The following TARS3 variants were observed in gnomAD, a reference collection of about 807,000 sequenced individuals.
TARS3 encodes threonine--tRNA ligase 2, cytoplasmic.
TARS3 carries 94 observed loss-of-function variants against 103.5 expected under a neutral mutation model. The observed-to-expected ratio is 0.91, with a 90% CI of 0.77 to 1.08. The LOEUF (loss-of-function observed/expected upper bound fraction) is 1.08, where lower values mean the gene tolerates loss of function less well. Among genes scored for constraint, TARS3 ranks in the 50% least tolerant of loss-of-function variants. The pLI is 0.00. For synonymous variants in TARS3, 416 were observed against 355.4 expected (o/e 1.17, Z -1.92); for missense variants, 952 against 995.2 (o/e 0.96, Z 0.58).
chr15:101,680,106 G>A (rs1307076934), intron 12 of TARS3, among the ~76,000 whole-genome samples: 1 of 152,172 alleles, frequency 6.6e-6, no homozygotes, highest in Non-Finnish European at 1.5e-5. Flanking sequence ...GGAGGGGGAT[G>A]GGATCTTGTT....
Position 101,702,312 on chromosome 15 carries a change from T to C in TARS3, c.1148A>G (p.Asp383Gly). 1 of 1,614,150 alleles carries C rather than the reference T, an allele frequency of 6.2e-7. No individual in the cohort carries two copies. Among genetic ancestry groups the C allele is most frequent in the South Asian group, 1.1e-5 (1 of 91,090 alleles). ...TTCCCAGTCTCTCATCATCTTGTTATCAGGAAAGGATATTCCATAGATCCT... is the reference window on the plus strand; with the variant it reads ...TTCCCAGTCTCTCATCATCTTGTTACCAGGAAAGGATATTCCATAGATCCT... ...LQRIYGISFPDNKMMRDWEKF... is the reference protein window; with the variant it reads ...LQRIYGISFPGNKMMRDWEKF... Residue 383 changes from aspartate to glycine, a missense_variant, in exon 9 of 19, where the codon GAT becomes GGT. Asp to Gly is a moderately conservative substitution (Grantham distance 94). Transcript: ENST00000335968.
At chr15:101,654,935 G>C (rs2141375637) in intron 18 of TARS3, among the ~76,000 whole-genome samples, 1 of 152,352 alleles carries the variant, frequency 6.6e-6, no homozygotes, top group Middle Eastern at 3.4e-3. Context: ...CCACCTGAGA[G>C]AACAGCTCTT....
chr15:101,716,926 G>A (rs1469454432), intron 3 of TARS3, among the ~76,000 whole-genome samples: 1 of 148,160 alleles, frequency 6.7e-6, no homozygotes, highest in African/African-American at 2.5e-5. Context: ...GTGCAATGTC[G>A]GCTCACTGCA....
Position 101,671,664 on chromosome 15 carries a change from G to T in TARS3, c.1866+7C>A, listed in dbSNP as rs766599811. On this transcript the variant is annotated splice_region_variant and intron_variant, in intron 14 of 18. Coordinates refer to ENST00000335968, the MANE Select transcript of TARS3 (RefSeq NM_152334.3). ...TTTTGCTGTTTTGAAGCATGTGGTC[G>T]ACTCACTTTAGGGCCATAAAATGCT... The T allele has an allele frequency of 6.2e-7, 1 of 1,613,430 alleles. No homozygotes were observed.
intron 15 of TARS3, among the ~76,000 whole-genome samples, chr15:101,670,130 A>T (rs1164350101): frequency 1.3e-5 from 2 of 152,270 alleles, no homozygotes; most frequent in Non-Finnish European, 2.9e-5. Context: ...ATGATGCCAA[A>T]GCATGATCCA....
In TARS3 at chr15:101,693,864, G is replaced by A. The variant is rs181700780; in HGVS notation, c.1320+7222C>T. ...TTTAGGGGTAGAGAAAAAATCAGCCGTTCCCTGAGGTCAGGGCTGGGGAGG... is the reference window on the plus strand; with the variant it reads ...TTTAGGGGTAGAGAAAAAATCAGCCATTCCCTGAGGTCAGGGCTGGGGAGG... On this transcript the variant is annotated intron_variant, in intron 10 of 18. Transcript: ENST00000335968. Among the ~76,000 whole-genome samples the A allele has an allele frequency of 1.3e-4, 20 of 152,178 alleles. No individual in the cohort carries two copies. In the South Asian group the frequency reaches 2.3e-3, roughly 17 times the overall value.
At chr15:101,722,318 C>T (rs1900514288) in intron 2 of TARS3, among the ~76,000 whole-genome samples, 1 of 151,336 alleles carries the variant, frequency 6.6e-6, no homozygotes, top group Non-Finnish European at 1.5e-5. Flanking sequence ...CACATTACAG[C>T]ACTTACTTGT....
At chr15:101,685,681 G>A (rs1898440908) in intron 11 of TARS3, among the ~76,000 whole-genome samples, 1 of 152,078 alleles carries the variant, frequency 6.6e-6, no homozygotes, top group African/African-American at 2.4e-5. Flanking sequence ...ACAAAAAAAT[G>A]CAATGGTTAC....
At chr15:101,657,154 G>C (rs2141377561) in intron 17 of TARS3, 118 bp from the exon 18 acceptor site, 1 of 632,882 alleles carries the variant, frequency 1.6e-6, no homozygotes, top group Non-Finnish European at 2.7e-6. Flanking sequence ...CACTATACCA[G>C]AGCGGGTCTG....
chr15:101,703,694 C>G (rs1899397809), intron 8 of TARS3, among the ~76,000 whole-genome samples, 165 bp downstream of exon 8: 2 of 152,042 alleles, frequency 1.3e-5, no homozygotes, highest in South Asian at 4.2e-4. Flanking sequence ...TTCTAATTAT[C>G]AAAATTCTAA....
chr15:101,675,830 A>G (rs1897999479), intron 12 of TARS3, 93 bp from the exon 13 acceptor site: 1 of 1,350,548 alleles, frequency 7.4e-7, no homozygotes, highest in Admixed American at 2.1e-5. Flanking sequence ...GAAATAAAGC[A>G]TGTTTTTAAT....
chr15:101,723,606 T>C (rs188850103), intron 1 of TARS3, among the ~76,000 whole-genome samples: 2 of 152,112 alleles, frequency 1.3e-5, no homozygotes, highest in Admixed American at 1.3e-4. Context: ...AATACTGTAT[T>C]AAATAAAAAT....
chr15:101,705,828 T>C lies in TARS3; in HGVS notation c.931-81A>G, dbSNP rs138800532. On this transcript the variant is annotated intron_variant, in intron 6 of 18. Transcript: ENST00000335968. ...CAACTCTACTTTTCTTCAAGAAACATTGAAAGGTCATCTACTGATGTTCTA... is the reference window on the plus strand; with the variant it reads ...CAACTCTACTTTTCTTCAAGAAACACTGAAAGGTCATCTACTGATGTTCTA... 7.4e-4 allele frequency: 882 copies of C among 1,189,908 alleles called. 4 individuals carry two copies. In the African/African-American group the frequency reaches 0.01, roughly 14 times the overall value. 73.7% of individuals were successfully genotyped at this position (1,189,908 alleles called of 1,614,324 possible).
At chr15:101,707,181 C>CA (rs763635919) in intron 6 of TARS3, among the ~76,000 whole-genome samples, 153 of 151,514 alleles carry the variant, frequency 1.0e-3, no homozygotes, top group Non-Finnish European at 1.8e-3. Context: ...AAAAAAAAAA[C>CA]AAAACAAGTG....
chr15:101,656,859 G>A, intron 18 of TARS3, 63 bp downstream of exon 18: 1 of 951,098 alleles, frequency 1.1e-6, no homozygotes, highest in African/African-American at 1.7e-5. Context: ...TTTCTTATTT[G>A]GTCTTTTGGA....
chr15:101,702,429 T>C, intron 8 of TARS3, 44 bp from the exon 9 acceptor site: 2 of 1,540,576 alleles, frequency 1.3e-6, no homozygotes, highest in Admixed American at 1.7e-5. Context: ...ATACATTCAG[T>C]TGTAAGTAAA....
chr15:101,712,263 C>T (rs1032017784), intron 4 of TARS3, among the ~76,000 whole-genome samples: 1 of 152,118 alleles, frequency 6.6e-6, no homozygotes, highest in Non-Finnish European at 1.5e-5. Flanking sequence ...CGGCCACAAC[C>T]CCATTTCCTC....
intron 9 of TARS3, 56 bp from the exon 10 acceptor site, chr15:101,701,240 C>G: frequency 9.3e-7 from 1 of 1,070,432 alleles, no homozygotes; most frequent in East Asian, 2.4e-5. Context: ...TTAATATTTA[C>G]TGCACACACA....
At chr15:101,671,777 T>C in intron 13 of TARS3, 29 bp from the exon 14 acceptor site, 1 of 1,582,474 alleles carries the variant, frequency 6.3e-7, no homozygotes, top group Non-Finnish European at 8.6e-7. Context: ...AAAGATACAA[T>C]TATACACTGT....
Sources: allele counts gnomAD v4.1 joint callset (sites outside exome capture counted in the v4.1 genomes callset), GRCh38; gene constraint gnomAD v4.1.1; transcripts MANE v1.5; gene names NCBI Gene and HGNC (gene_info 2026-07-23, HGNC 2026-07-21).